Variants in KALRN observed in about 807,000 individuals in gnomAD.
KALRN encodes the protein kalirin.
In KALRN, 70 loss-of-function variants were observed where a neutral mutation model predicts 353.7. That is an observed-to-expected ratio of 0.20 (90% CI 0.16 to 0.24). The LOEUF (loss-of-function observed/expected upper bound fraction) is 0.24, where lower values mean the gene tolerates loss of function less well. Among genes scored for constraint, KALRN ranks in the 10% least tolerant of loss-of-function variants. The pLI is 1.00. For missense variants in KALRN, 2,791 were observed against 3,756.7 expected, an observed-to-expected ratio of 0.74 and a Z score of 6.72; for synonymous variants, 1,391 against 1,434.8, an observed-to-expected ratio of 0.97 and a Z score of 0.69.
chr3:124,138,982 A>G (rs572014281), intron 1 of KALRN, among the ~76,000 whole-genome samples: 3 of 152,328 alleles, frequency 2.0e-5, no homozygotes, highest in South Asian at 4.1e-4. Flanking sequence ...GAGGCCACAG[A>G]AAAAGCTCAC....
intron 37 of KALRN, among the ~76,000 whole-genome samples, chr3:124,648,623 A>G (rs2083039626): frequency 6.6e-6 from 1 of 152,232 alleles, no homozygotes; most frequent in Admixed American, 6.5e-5. Context: ...GCGAGCCTAT[A>G]AACCAAGGCT....
chr3:124,127,851 A>G (rs1166376880), intron 1 of KALRN, among the ~76,000 whole-genome samples: 5 of 152,238 alleles, frequency 3.3e-5, no homozygotes, highest in African/African-American at 1.2e-4. Flanking sequence ...TAATTGAGAC[A>G]GCAGTTATTA....
chr3:124,704,387 TTTC>T (rs1001791650), intron 57 of KALRN, among the ~76,000 whole-genome samples: 1 of 152,222 alleles, frequency 6.6e-6, no homozygotes, highest in Non-Finnish European at 1.5e-5. Context: ...GAAGATCAAT[TTTC>T]TTATCTGTTC....
rs918721301 is a variant in KALRN, at chr3:124,372,553, C to T, written c.1771-12292C>T. 5.9e-5 allele frequency among the ~76,000 whole-genome samples: 9 copies of T among 151,842 alleles called. No homozygotes were observed. The East Asian group carries it at 1.7e-3, about 29-fold the overall frequency. On this transcript the variant is annotated intron_variant, in intron 10 of 59. Transcript: ENST00000682506. The stretch of plus-strand genomic sequence containing the variant: ...AGTTTTTTTGGTAATAAAATTAGAA[C>T]CATACTTTGGTTTATTCTGACTTCT...
intron 1 of KALRN, among the ~76,000 whole-genome samples, chr3:124,122,968 C>T (rs1039615274): frequency 6.6e-6 from 1 of 151,886 alleles, no homozygotes; most frequent in Non-Finnish European, 1.5e-5. Context: ...TTTGGGAGGC[C>T]GAGGTGAGTG....
At chr3:124,284,052 A>G (rs2075602042) in intron 5 of KALRN, among the ~76,000 whole-genome samples, 1 of 152,212 alleles carries the variant, frequency 6.6e-6, no homozygotes, top group Admixed American at 6.5e-5. Flanking sequence ...TTGTGTGAAA[A>G]AGATGGGAGA....
Position 124,719,246 on chromosome 3 carries a change from G to T in KALRN, c.8737G>T (p.Asp2913Tyr), listed in dbSNP as rs2063300685. 6.2e-7 allele frequency: 1 copy of T among 1,614,128 alleles called. No individual in the cohort carries two copies. Among genetic ancestry groups the T allele is most frequent in the Non-Finnish European group, 8.5e-7 (1 of 1,180,052 alleles). ...YFCGVSNAAR[D>Y]FINVILQEDF... ...CTGTGGTGTGAGCAATGCTGCCAGA[G>T]ATTTCATCAATGTGATCTTACAGGA... The change falls in exon 60 of 60, where the codon GAT (aspartate) becomes TAT (tyrosine). Residue 2913 changes from aspartate to tyrosine, a missense_variant. Physicochemically the swap from Asp to Tyr is radical, Grantham distance 160. Coordinates refer to ENST00000682506, the MANE Select transcript of KALRN (RefSeq NM_001388419.1). The surrounding 1 kb of genome is among the most constrained non-coding windows in gnomAD (Gnocchi z 5.3).
chr3:124,517,708 G>C (rs1441733187), intron 33 of KALRN, among the ~76,000 whole-genome samples: 1 of 152,114 alleles, frequency 6.6e-6, no homozygotes, highest in Non-Finnish European at 1.5e-5. Flanking sequence ...CACTCCCTCA[G>C]CCAGCCTTGC....
At chr3:124,538,125 C>G (rs1475064275) in intron 33 of KALRN, among the ~76,000 whole-genome samples, 1 of 152,140 alleles carries the variant, frequency 6.6e-6, no homozygotes, top group Non-Finnish European at 1.5e-5. Flanking sequence ...GTACATATAC[C>G]ATGAGGCAAA....
At chr3:124,586,568 C>T (rs2075211045) in intron 34 of KALRN, among the ~76,000 whole-genome samples, 1 of 152,204 alleles carries the variant, frequency 6.6e-6, no homozygotes, top group Non-Finnish European at 1.5e-5. Context: ...GTAAGTGCCT[C>T]CTGCCTAGGG....
chr3:124,165,261 TTTAGGGCCCTTCAAATTA>T (rs1401276320), intron 1 of KALRN, among the ~76,000 whole-genome samples: 3 of 152,224 alleles, frequency 2.0e-5, no homozygotes, highest in Admixed American at 2.0e-4. Context: ...TCTAAAATTT[TTTAGGGCCCTTCAAATTA>T]TTGCCTACAG....
At chr3:124,202,499 G>A (rs2076038465) in intron 1 of KALRN, among the ~76,000 whole-genome samples, 1 of 152,126 alleles carries the variant, frequency 6.6e-6, no homozygotes, top group Non-Finnish European at 1.5e-5. Context: ...TGATCTGCCT[G>A]GCTAGGCCTC....
chr3:124,408,307 A>C (rs1418263655), intron 13 of KALRN, among the ~76,000 whole-genome samples: 1 of 152,178 alleles, frequency 6.6e-6, no homozygotes, highest in Non-Finnish European at 1.5e-5. Flanking sequence ...AAGAAGGGTA[A>C]AACTGGCACT....
At chr3:124,575,653 T>G (rs1253244997) in intron 34 of KALRN, among the ~76,000 whole-genome samples, 1 of 152,182 alleles carries the variant, frequency 6.6e-6, no homozygotes, top group East Asian at 1.9e-4. Flanking sequence ...TGTAGGCTGT[T>G]AGGGAAAAGC....
At chr3:124,627,294 G>T (rs618105) in intron 34 of KALRN, among the ~76,000 whole-genome samples, 53,423 of 152,090 alleles carry the variant, frequency 0.35, 10,859 homozygotes, top group African/African-American at 0.56. Flanking sequence ...TTGGGCCATG[G>T]TTGCATGGCT....
chr3:124,654,216 G>T (rs771679444), intron 38 of KALRN, among the ~76,000 whole-genome samples: 9 of 152,200 alleles, frequency 5.9e-5, no homozygotes, highest in Non-Finnish European at 1.3e-4. Flanking sequence ...GGCCTTGCCA[G>T]TTCCTTCCTG....
chr3:124,062,906 C>G (rs1419965071), intron 1 of KALRN, among the ~76,000 whole-genome samples: 1 of 152,156 alleles, frequency 6.6e-6, no homozygotes, highest in Non-Finnish European at 1.5e-5. Flanking sequence ...ACCTGGTCAC[C>G]TCGGAGCACT....
chr3:124,439,161 CTTT>C, intron 18 of KALRN, 124 bp downstream of exon 18: 1 of 851,220 alleles, frequency 1.2e-6, no homozygotes, highest in Non-Finnish European at 1.8e-6. Context: ...CTCTCTTTCT[CTTT>C]CTCCTCCTCC....
chr3:124,324,285 CAGG>C (rs1181785132), intron 6 of KALRN, among the ~76,000 whole-genome samples: 1 of 152,186 alleles, frequency 6.6e-6, no homozygotes, highest in African/African-American at 2.4e-5. Context: ...ATGACATGAG[CAGG>C]AGATTTGAGG....
Sources: allele counts gnomAD v4.1 joint callset (sites outside exome capture counted in the v4.1 genomes callset), GRCh38; gene constraint gnomAD v4.1.1; non-coding constraint Gnocchi (gnomAD v3.1); transcripts MANE v1.5; gene names NCBI Gene and HGNC (gene_info 2026-07-23, HGNC 2026-07-21).